The following ATXN7 variants were observed in gnomAD, a reference collection of about 807,000 sequenced individuals.
ATXN7 encodes the protein ataxin 7.
ATXN7 carries 12 observed loss-of-function variants against 70.5 expected under a neutral mutation model. The observed-to-expected ratio is 0.17, with a 90% CI of 0.11 to 0.28. The LOEUF is 0.28. Ranked by LOEUF, ATXN7 falls within the 10% of genes least tolerant of loss-of-function variation. The pLI is 1.00. For missense variants in ATXN7, 1,256 were observed against 1,131.7 expected (o/e 1.11, Z -1.58); for synonymous variants, 498 against 448.7 (o/e 1.11, Z -1.39).
chr3:63,985,671 T>C (rs566093162), intron 8 of ATXN7, among the ~76,000 whole-genome samples: 2 of 152,302 alleles, frequency 1.3e-5, no homozygotes, highest in Admixed American at 1.3e-4. Flanking sequence ...TCATTCTCTG[T>C]TGTCTGTCTC....
intron 4 of ATXN7, among the ~76,000 whole-genome samples, chr3:63,925,483 C>T (rs1191168305): frequency 6.6e-6 from 1 of 152,094 alleles, no homozygotes; most frequent in Non-Finnish European, 1.5e-5. Flanking sequence ...ACTGTCCATG[C>T]CTGGGATCTA....
intron 4 of ATXN7, among the ~76,000 whole-genome samples, chr3:63,913,789 T>C (rs1704154046): frequency 6.6e-6 from 1 of 152,212 alleles, no homozygotes; most frequent in African/African-American, 2.4e-5. Context: ...CAAATAAGCC[T>C]TTACTGCCCG....
At chr3:63,948,344 A>G (rs1033078352) in intron 4 of ATXN7, among the ~76,000 whole-genome samples, 1 of 152,112 alleles carries the variant, frequency 6.6e-6, no homozygotes, top group African/African-American at 2.4e-5. Context: ...TTGGGTGAGG[A>G]GCAGAGAAGG....
Position 63,921,322 on chromosome 3 carries a change from A to C in ATXN7, c.394+8097A>C, listed in dbSNP as rs79166648. Among the ~76,000 whole-genome samples the C allele has an allele frequency of 7.5e-3, 1,141 of 152,274 alleles. 12 individuals are homozygous for C. The highest frequency in any genetic ancestry group is 0.026 in the African/African-American group (1,081 of 41,552). On this transcript the variant is annotated intron_variant, in intron 4 of 12. Coordinates refer to ENST00000674280, the MANE Select transcript of ATXN7 (RefSeq NM_001377405.1). ...ATCCTGAACTCCAGTCATGCAACAGAAAAAAAGGTAATGCTTTTAACCAGT... is the reference window on the plus strand; with the variant it reads ...ATCCTGAACTCCAGTCATGCAACAGCAAAAAAGGTAATGCTTTTAACCAGT...
At chr3:63,906,770 G>A (rs1009181483) in intron 2 of ATXN7, among the ~76,000 whole-genome samples, 1 of 152,192 alleles carries the variant, frequency 6.6e-6, no homozygotes, top group African/African-American at 2.4e-5. Flanking sequence ...TGGGAACTGG[G>A]AGTTGGATGG....
chr3:63,996,640 A>C, intron 12 of ATXN7, 157 bp downstream of exon 12: 4 of 826,828 alleles, frequency 4.8e-6, no homozygotes, highest in Admixed American at 3.3e-5. Flanking sequence ...AAAAAAAAAA[A>C]AGGTTCACGG....
chr3:63,894,084 T>C (rs1654966697), intron 1 of ATXN7, among the ~76,000 whole-genome samples: 1 of 152,148 alleles, frequency 6.6e-6, no homozygotes, highest in Admixed American at 6.5e-5. Flanking sequence ...GAAGACAGTA[T>C]AGTTTTGGGG....
chr3:63,867,282 A>G (rs1000438928), intron 1 of ATXN7, among the ~76,000 whole-genome samples: 2 of 152,164 alleles, frequency 1.3e-5, no homozygotes, highest in Non-Finnish European at 2.9e-5. Flanking sequence ...AAAAAATTAG[A>G]GACACATCTT....
At chr3:63,918,862 T>G (rs1381039304) in intron 4 of ATXN7, among the ~76,000 whole-genome samples, 1 of 152,196 alleles carries the variant, frequency 6.6e-6, no homozygotes, top group African/African-American at 2.4e-5. Flanking sequence ...AATGCACATG[T>G]AAGGAGCAGT....
intron 4 of ATXN7, among the ~76,000 whole-genome samples, chr3:63,947,627 G>C: frequency 6.6e-6 from 1 of 152,230 alleles, no homozygotes; most frequent in Non-Finnish European, 1.5e-5. Flanking sequence ...TGTATAACTT[G>C]CCCAAGGTCA....
chr3:63,865,546 A>G (rs1281365437), intron 1 of ATXN7, among the ~76,000 whole-genome samples: 1 of 152,162 alleles, frequency 6.6e-6, no homozygotes, highest in African/African-American at 2.4e-5. Flanking sequence ...TTGTCAATTG[A>G]TTGGGGTTCA....
At chr3:63,984,639 TC>T (rs2075544586) in intron 8 of ATXN7, among the ~76,000 whole-genome samples, 1 of 152,230 alleles carries the variant, frequency 6.6e-6, no homozygotes, top group Admixed American at 6.5e-5. Flanking sequence ...TCTTTTTCAG[TC>T]ATTTACAAAG....
chr3:63,986,047 A>G (rs562403106), intron 8 of ATXN7, among the ~76,000 whole-genome samples: 2 of 152,226 alleles, frequency 1.3e-5, no homozygotes, highest in South Asian at 2.1e-4. Context: ...TTCTTGCCAT[A>G]GGAACATTGG....
rs1316818326 is a variant in ATXN7, at chr3:63,912,621, A to T, written c.23A>T (p.Asp8Val). 9.5e-7 allele frequency: 1 copy of T among 1,052,698 alleles called. No homozygotes were observed. The highest frequency in any genetic ancestry group is 1.2e-6 in the Non-Finnish European group (1 of 863,350). The allele number at this position is 1,052,698 out of a possible 1,614,324, so 65.2% of individuals were successfully genotyped here. A position where few individuals can be genotyped will look rare whatever the true frequency, so the allele number is the denominator to read the frequency against. MSERAAD[D>V]VRGEPRRAAA... ...AGAATGTCGGAGCGGGCCGCGGATG[A>T]CGTCAGGGGGGAGCCGCGCCGCGCG... Residue 8 changes from aspartate to valine, a missense_variant, in exon 3 of 13, where the codon GAC becomes GTC. Physicochemically the swap from Asp to Val is radical, Grantham distance 152. Transcript: ENST00000674280.
At chr3:63,993,946 G>T (rs1017671581) in intron 11 of ATXN7, among the ~76,000 whole-genome samples, 6 of 152,180 alleles carry the variant, frequency 3.9e-5, no homozygotes, top group African/African-American at 7.2e-5. Context: ...CAGGAACTCA[G>T]TTTTCCTAAC....
chr3:63,972,290 T>C (rs2075324252), intron 5 of ATXN7, among the ~76,000 whole-genome samples: 2 of 152,262 alleles, frequency 1.3e-5, no homozygotes, highest in Non-Finnish European at 2.9e-5. Flanking sequence ...TTACATTTTA[T>C]AGCCATGTAT....
chr3:63,972,233 T>G (rs2075322344), intron 5 of ATXN7, among the ~76,000 whole-genome samples: 1 of 152,264 alleles, frequency 6.6e-6, no homozygotes, highest in Non-Finnish European at 1.5e-5. Context: ...ACATGCGTTG[T>G]TACTTACTGT....
At chr3:63,863,533 C>T, upstream of ATXN7, 1 of 1,192,654 alleles carries the variant, frequency 8.4e-7, no homozygotes, top group East Asian at 3.5e-5. Context: ...TCCGGGAGAG[C>T]GGACGGGGAA....
Position 63,995,761 on chromosome 3 carries a change from T to C in ATXN7, c.1939T>C (p.Ser647Pro). The stretch of plus-strand genomic sequence containing the variant: ...GTGCAGTATGCAATCCAGACAAGTG[T>C]CCTCTTCATCCTCATCCCCTTCCAC... ...PVCSMQSRQVSSSSSSPSTPS... is the reference protein window; with the variant it reads ...PVCSMQSRQVPSSSSSPSTPS... Residue 647 changes from serine to proline, a missense_variant, in exon 12 of 13, where the codon TCC becomes CCC. By Grantham distance (74) the Ser-to-Pro change is moderately conservative. Transcript: ENST00000674280. 6.2e-7 allele frequency: 1 copy of C among 1,614,164 alleles called. No individual in the cohort carries two copies. The highest frequency in any genetic ancestry group is 8.5e-7 in the Non-Finnish European group (1 of 1,180,024).
Sources: gnomAD v4.1 joint callset for allele counts (sites outside exome capture counted in the v4.1 genomes callset) on GRCh38, gnomAD v4.1.1 for gene constraint, MANE v1.5 for transcripts, NCBI Gene and HGNC (gene_info 2026-07-23, HGNC 2026-07-21) for gene names.